The following TBC1D22A variants were observed in gnomAD, a reference collection of about 807,000 sequenced individuals.
TBC1D22A encodes TBC1 domain family member 22A, also known as putative GTPase activator.
Under a neutral mutation model 60.2 loss-of-function variants are expected in TBC1D22A, and 38 were observed. The observed-to-expected ratio is 0.63, with a 90% CI of 0.49 to 0.83. TBC1D22A has a LOEUF of 0.83. Among genes scored for constraint, TBC1D22A ranks in the 40% least tolerant of loss-of-function variants. The pLI, the probability that TBC1D22A is intolerant of heterozygous loss-of-function variation, is 0.00. For missense variants in TBC1D22A, 628 were observed against 701.0 expected (o/e 0.90, Z 1.18); for synonymous variants, 302 against 281.7 (o/e 1.07, Z -0.72).
chr22:46,966,714 T>C (rs2073821782), intron 8 of TBC1D22A, among the ~76,000 whole-genome samples: 1 of 152,230 alleles, frequency 6.6e-6, no homozygotes, highest in African/African-American at 2.4e-5. Context: ...GTTGATATTT[T>C]CCCAAGTGTT....
intron 11 of TBC1D22A, among the ~76,000 whole-genome samples, chr22:47,091,453 A>G (rs967191657): frequency 1.4e-5 from 2 of 143,134 alleles, no homozygotes; most frequent in African/African-American, 5.3e-5. Context: ...GTTGATAGAG[A>G]CAGGCACGAG....
chr22:46,989,245 C>T (rs2074842539), intron 9 of TBC1D22A, among the ~76,000 whole-genome samples: 1 of 152,188 alleles, frequency 6.6e-6, no homozygotes, highest in Non-Finnish European at 1.5e-5. Flanking sequence ...TTGTCCACAT[C>T]AGCAAGAAGC....
chr22:46,780,018 T>G, intron 1 of TBC1D22A, among the ~76,000 whole-genome samples: 1 of 152,216 alleles, frequency 6.6e-6, no homozygotes, highest in Non-Finnish European at 1.5e-5. Context: ...GCCATGATGG[T>G]TTTTCGTACA....
Position 47,121,944 on chromosome 22 carries a change from C to T in TBC1D22A, c.1425+10341C>T, listed in dbSNP as rs543627688. Among the ~76,000 whole-genome samples the T allele has an allele frequency of 2.0e-5, 3 of 152,280 alleles. No individual in the cohort carries two copies. In the South Asian group the frequency reaches 6.2e-4, roughly 32 times the overall value. On this transcript the variant is annotated intron_variant, in intron 12 of 12. Coordinates refer to ENST00000337137, the MANE Select transcript of TBC1D22A (RefSeq NM_014346.5). ...CTGCCGTGCCTGCCCCTCAGGTGTC[C>T]CCACCGCATCCAGCCTTGAGGTGTC...
chr22:47,123,851 G>A lies in TBC1D22A; in HGVS notation c.1425+12248G>A, dbSNP rs141107739. Among the ~76,000 whole-genome samples the A allele has an allele frequency of 5.4e-3, 829 of 152,328 alleles. 7 individuals are homozygous for A. The highest frequency in any genetic ancestry group is 0.024 in the Middle Eastern group (7 of 294). Reference sequence around the variant, plus strand: ...GTGTGGGGTTTGCAGGGTCATGCGTGCTGTGAGATCAGGTTTGTGTTGCTG... The same window carrying A: ...GTGTGGGGTTTGCAGGGTCATGCGTACTGTGAGATCAGGTTTGTGTTGCTG... On this transcript the variant is annotated intron_variant, in intron 12 of 12. Coordinates refer to ENST00000337137, the MANE Select transcript of TBC1D22A (RefSeq NM_014346.5).
intron 5 of TBC1D22A, among the ~76,000 whole-genome samples, chr22:46,881,760 G>A (rs918193286): frequency 5.3e-5 from 8 of 152,192 alleles, no homozygotes; most frequent in Admixed American, 5.2e-4. Context: ...AGCTAGAGTA[G>A]GGGGCAAGCG....
chr22:46,847,935 G>T, intron 4 of TBC1D22A, among the ~76,000 whole-genome samples: 1 of 124,014 alleles, frequency 8.1e-6, no homozygotes, highest in Non-Finnish European at 1.7e-5. Flanking sequence ...GTGTGTGTGT[G>T]TGTGTGTGTG....
rs1214750200 is a variant in TBC1D22A, at chr22:46,990,952, ACAGAGG to A, written c.1126-6679_1126-6674del. Among the ~76,000 whole-genome samples the A allele has an allele frequency of 6.6e-5, 10 of 152,116 alleles. No homozygotes were observed. Among genetic ancestry groups the A allele is most frequent in the Admixed American group, 6.5e-4 (10 of 15,290 alleles). On this transcript the variant is annotated intron_variant, in intron 9 of 12. Coordinates refer to ENST00000337137, the MANE Select transcript of TBC1D22A (RefSeq NM_014346.5). The surrounding 1 kb of genome is among the most constrained non-coding windows in gnomAD (Gnocchi z 4.6). ...GGGACAGTCACGTTTCCAGTGGTTTACAGAGGCACTGGTTCCTCTGGCCTGGCTGGG... is the reference window on the plus strand; with the variant it reads ...GGGACAGTCACGTTTCCAGTGGTTTACACTGGTTCCTCTGGCCTGGCTGGG...
chr22:47,148,893 G>A (rs773217045), intron 12 of TBC1D22A, among the ~76,000 whole-genome samples: 2 of 152,136 alleles, frequency 1.3e-5, no homozygotes, highest in Non-Finnish European at 2.9e-5. Flanking sequence ...CTGTGCTCCC[G>A]CCTAGCCACA....
chr22:46,765,199 CCT>C (rs2083241983), intron 1 of TBC1D22A, among the ~76,000 whole-genome samples: 1 of 152,220 alleles, frequency 6.6e-6, no homozygotes, highest in African/African-American at 2.4e-5. Context: ...GCCTGTGAAG[CCT>C]CTGTGTCTCC....
In TBC1D22A at chr22:46,990,582, C is replaced by T. The variant is rs2074901076; in HGVS notation, c.1126-7052C>T. 6.6e-6 allele frequency among the ~76,000 whole-genome samples: 1 copy of T among 152,200 alleles called. No homozygotes were observed. The highest frequency in any genetic ancestry group is 1.5e-5 in the Non-Finnish European group (1 of 68,034). ...GTGGGTTTTGAAAGGTGTGCAGTGA[C>T]ATGAGTCCACCAAGAAAGTGTCGCA... On this transcript the variant is annotated intron_variant, in intron 9 of 12. Coordinates refer to ENST00000337137, the MANE Select transcript of TBC1D22A (RefSeq NM_014346.5). This position sits in a 1 kb window ranked among gnomAD's most constrained non-coding sequence, Gnocchi z 4.6.
intron 4 of TBC1D22A, among the ~76,000 whole-genome samples, chr22:46,869,277 A>G (rs1004006396): frequency 1.1e-4 from 16 of 152,182 alleles, no homozygotes; most frequent in African/African-American, 3.9e-4. Context: ...TTCTTCAGAG[A>G]AGAGACCACC....
chr22:46,956,404 T>C (rs2073193604), intron 8 of TBC1D22A, among the ~76,000 whole-genome samples: 1 of 152,228 alleles, frequency 6.6e-6, no homozygotes, highest in Admixed American at 6.5e-5. Flanking sequence ...GCTAACACGG[T>C]GAAACCCTGT....
intron 11 of TBC1D22A, among the ~76,000 whole-genome samples, chr22:47,084,538 G>A (rs2064601160): frequency 6.6e-6 from 1 of 152,222 alleles, no homozygotes; most frequent in African/African-American, 2.4e-5. Context: ...GCAGTTGAGA[G>A]CCACTGCTCT....
At chr22:47,131,013 C>T (rs563262265) in intron 12 of TBC1D22A, among the ~76,000 whole-genome samples, 2 of 152,294 alleles carry the variant, frequency 1.3e-5, no homozygotes, top group African/African-American at 2.4e-5. Flanking sequence ...GGGGAGCCGG[C>T]GTGTCACGTG....
At position 47,103,583 on chromosome 22, in the gene TBC1D22A, C is replaced by T. The variant is rs1032653843; in HGVS notation, c.1330-7925C>T. Among the ~76,000 whole-genome samples, 12 of 152,200 alleles carry T rather than the reference C, an allele frequency of 7.9e-5. 1 individual carries two copies. The South Asian group carries it at 1.9e-3, about 24-fold the overall frequency. On this transcript the variant is annotated intron_variant, in intron 11 of 12. Transcript: ENST00000337137. ...ATAAAATGGTGACATGATAGGAGCC[C>T]GCTGAATTAGAAAGGGCATCCTAGT...
At chr22:46,969,501 G>A (rs957012105) in intron 8 of TBC1D22A, among the ~76,000 whole-genome samples, 2 of 152,162 alleles carry the variant, frequency 1.3e-5, no homozygotes, top group East Asian at 1.9e-4. Flanking sequence ...TTCAAAGAAG[G>A]TTAGTTAAAT....
intron 4 of TBC1D22A, among the ~76,000 whole-genome samples, chr22:46,865,511 AG>A (rs2067007729): frequency 6.6e-6 from 1 of 152,246 alleles, no homozygotes; most frequent in African/African-American, 2.4e-5. Context: ...TTGACACCAC[AG>A]GTAGAAAATT....
At chr22:46,897,085 G>A (rs1335901600) in intron 7 of TBC1D22A, among the ~76,000 whole-genome samples, 4 of 152,126 alleles carry the variant, frequency 2.6e-5, no homozygotes, top group African/African-American at 9.7e-5. Context: ...TCGTACATGT[G>A]TTACCGGTGG....
Sources: gnomAD v4.1 joint callset for allele counts (sites outside exome capture counted in the v4.1 genomes callset) on GRCh38, gnomAD v4.1.1 for gene constraint, Gnocchi (gnomAD v3.1) non-coding constraint, MANE v1.5 for transcripts, NCBI Gene and HGNC (gene_info 2026-07-23, HGNC 2026-07-21) for gene names.